C3orf20: variants seen among roughly 807,000 people sequenced by gnomAD.
C3orf20 encodes the protein family with sequence similarity 149 member C, also known as uncharacterized protein C3orf20.
Under a neutral mutation model 88.3 loss-of-function variants are expected in C3orf20, and 76 were observed. That is an observed-to-expected ratio of 0.86 (90% CI 0.72 to 1.04). C3orf20 has a LOEUF of 1.04. Ranked by LOEUF, C3orf20 falls within the 50% of genes least tolerant of loss-of-function variation. The pLI, the probability that C3orf20 is intolerant of heterozygous loss-of-function variation, is 0.00. For missense variants in C3orf20, 1,056 were observed against 1,123.3 expected (o/e 0.94, Z 0.86); for synonymous variants, 436 against 437.4 (o/e 1.00, Z 0.04).
rs1465622612 is a variant in C3orf20 at position 14,682,199 on chromosome 3, C to G, written c.-269C>G. ...ACACGTTGGATAATTCCATGCCCAT[C>G]TTGGCATTGCGACCAGGAGCTTCTG... On this transcript the variant is annotated 5_prime_UTR_variant, in exon 2 of 17. It adds an upstream start codon to the 5' untranslated region. Transcript: ENST00000253697. The G allele has an allele frequency of 6.4e-6, 1 of 157,050 alleles. No individual in the cohort carries two copies. Among genetic ancestry groups the G allele is most frequent in the African/African-American group, 2.4e-5 (1 of 41,482 alleles). 9.7% of individuals were successfully genotyped at this position (157,050 alleles called of 1,614,324 possible).
intron 12 of C3orf20, among the ~76,000 whole-genome samples, chr3:14,753,778 T>C (rs1225167384): frequency 6.6e-6 from 1 of 152,240 alleles, no homozygotes; most frequent in African/African-American, 2.4e-5. Context: ...AAACTACTTT[T>C]ATAAAGACTG....
chr3:14,703,150 G>T lies in C3orf20; in HGVS notation c.766G>T (p.Asp256Tyr). ...TACAGGCAAATCTAGAACTACAGAA[G>T]ATGTCAGCATGCCGCCCCTGCATCG... is the stretch of plus-strand genomic sequence containing the variant. ...KKIGKSRTTE[D>Y]VSMPPLHRGV... Residue 256 changes from aspartate (D) to tyrosine (Y), a missense_variant, in exon 6 of 17, where the codon GAT (aspartate) becomes TAT (tyrosine). By Grantham distance (160) the Asp-to-Tyr change is radical. Transcript: ENST00000253697. 3 of 1,614,198 alleles carry T rather than the reference G, an allele frequency of 1.9e-6. No homozygotes were observed. Among genetic ancestry groups the T allele is most frequent in the Non-Finnish European group, 2.5e-6 (3 of 1,180,036 alleles).
At position 14,690,058 on chromosome 3, in the gene C3orf20, T is replaced by C; in HGVS notation, c.687T>C (p.Ser229=). Residue 229 remains serine, a synonymous_variant, in exon 5 of 17, where the codon TCT becomes TCC. Transcript: ENST00000253697. The part of the protein sequence containing the change: ...VNSPYQLIYH[S]STACLSFSLS... ...CGCCTTACCAGCTGATCTACCACTCTTCCACAGCCTGTCTGAGCTTTTCTC... is the reference window on the plus strand; with the variant it reads ...CGCCTTACCAGCTGATCTACCACTCCTCCACAGCCTGTCTGAGCTTTTCTC... The C allele has an allele frequency of 6.2e-7, 1 of 1,614,214 alleles. No individual in the cohort carries two copies. Among genetic ancestry groups the C allele is most frequent in the Non-Finnish European group, 8.5e-7 (1 of 1,180,030 alleles).
chr3:14,772,752 C>T lies in C3orf20; in HGVS notation c.2631-39C>T, dbSNP rs1426205942. ...CCTGGGCTCTGGGCACTGTGAAGAACAGCCCTTCCGCCTCCCGGCCCTCTA... is the reference window on the plus strand; with the variant it reads ...CCTGGGCTCTGGGCACTGTGAAGAATAGCCCTTCCGCCTCCCGGCCCTCTA... On this transcript the variant is annotated intron_variant, in intron 16 of 16. Coordinates refer to ENST00000253697, the MANE Select transcript of C3orf20 (RefSeq NM_032137.5). This position sits in a 1 kb window ranked among gnomAD's most constrained non-coding sequence, Gnocchi z 4.2. The T allele has an allele frequency of 1.3e-6, 2 of 1,549,066 alleles. No homozygotes were observed. The highest frequency in any genetic ancestry group is 1.8e-4 in the Middle Eastern group (1 of 5,560).
intron 15 of C3orf20, among the ~76,000 whole-genome samples, chr3:14,763,700 T>C (rs1031936149): frequency 6.6e-6 from 1 of 152,210 alleles, no homozygotes. Flanking sequence ...CTGCGTGAAC[T>C]GTGTAAAACA....
Position 14,704,435 on chromosome 3 carries a change from G to T in C3orf20, c.977G>T (p.Arg326Leu), listed in dbSNP as rs1170308132. 3.1e-6 allele frequency: 5 copies of T among 1,613,938 alleles called. 1 individual carries two copies. The highest frequency in any genetic ancestry group is 4.2e-6 in the Non-Finnish European group (5 of 1,180,022). The stretch of plus-strand genomic sequence containing the variant: ...ATGCCCTCTCATCTAATGTTGGCCC[G>T]CAAAGGAGACTCTCAGACCCCGGGT... ...AKMPSHLMLARKGDSQTPGLH... is the reference protein window; with the variant it reads ...AKMPSHLMLALKGDSQTPGLH... The change falls in exon 7 of 17, where the codon CGC (arginine) becomes CTC (leucine). Residue 326 changes from arginine (R) to leucine (L), a missense_variant. By Grantham distance (102) the Arg-to-Leu change is moderately radical. Coordinates refer to ENST00000253697, the MANE Select transcript of C3orf20 (RefSeq NM_032137.5).
chr3:14,766,911 CGTGGCCAGGCGGCTTTGAGGA>C, intron 15 of C3orf20: 1 of 78,772 alleles, frequency 1.3e-5, no homozygotes, highest in South Asian at 6.4e-4. Flanking sequence ...CTTTGAGGAG[CGTGGCCAGGCGGCTTTGAGGA>C]GCGTGGCCAG....
At chr3:14,749,697 A>ATT (rs34518822) in intron 12 of C3orf20, among the ~76,000 whole-genome samples, 1,741 of 146,758 alleles carry the variant, frequency 0.012, 37 homozygotes, top group African/African-American at 0.039. Context: ...CGTTTAATTG[A>ATT]TTTTTTTTTT....
intron 7 of C3orf20, among the ~76,000 whole-genome samples, chr3:14,711,177 C>T (rs539055909): frequency 2.0e-5 from 3 of 152,276 alleles, no homozygotes; most frequent in East Asian, 1.9e-4. Context: ...GGATTGCAGG[C>T]GTGAGCTACT....
At position 14,757,005 on chromosome 3, in the gene C3orf20, G is replaced by A. The variant is rs116075337; in HGVS notation, c.1941-366G>A. Among the ~76,000 whole-genome samples the A allele has an allele frequency of 9.7e-3, 1,473 of 152,298 alleles. 28 individuals are homozygous for A. The highest frequency in any genetic ancestry group is 0.033 in the African/African-American group (1,386 of 41,558). ...AATGAAGGAGACTTGGACCACATCC[G>A]TGGGGGTGGAGGGGAGGAAAAGTGG... On this transcript the variant is annotated intron_variant, in intron 12 of 16. Coordinates refer to ENST00000253697, the MANE Select transcript of C3orf20 (RefSeq NM_032137.5).
rs779172776 is a variant in C3orf20 at position 14,676,231 on chromosome 3, A to C, written c.-299+979A>C. Reference sequence around the variant, plus strand: ...TGTTCACGGTTTTTGAAAATCAAAAAATACAAGAGTGGACCTTGCTCCCAG... The same window carrying C: ...TGTTCACGGTTTTTGAAAATCAAAACATACAAGAGTGGACCTTGCTCCCAG... On this transcript the variant is annotated intron_variant, in intron 1 of 16. Transcript: ENST00000253697. Among the ~76,000 whole-genome samples the C allele has an allele frequency of 2.6e-5, 4 of 151,996 alleles. 1 individual carries two copies. Among genetic ancestry groups the C allele is most frequent in the Non-Finnish European group, 2.9e-5 (2 of 67,988 alleles).
intron 5 of C3orf20, among the ~76,000 whole-genome samples, chr3:14,700,868 T>G (rs1427507497): frequency 6.6e-6 from 1 of 152,264 alleles, no homozygotes; most frequent in African/African-American, 2.4e-5. Context: ...ATCCATTCCA[T>G]GTCCACATGC....
rs547586593 is a variant in C3orf20, at chr3:14,701,213, C to G, written c.746-1917C>G. On this transcript the variant is annotated intron_variant, in intron 5 of 16. Coordinates refer to ENST00000253697, the MANE Select transcript of C3orf20 (RefSeq NM_032137.5). This position sits in a 1 kb window ranked among gnomAD's most constrained non-coding sequence, Gnocchi z 4.6. ...AGAAGTGGGGGAAGTGACCAGGAAC[C>G]ACTCAGGGTGGCAGATACCAGAGAT... Among the ~76,000 whole-genome samples, 4 of 152,236 alleles carry G rather than the reference C, an allele frequency of 2.6e-5. No individual in the cohort carries two copies. Among genetic ancestry groups the G allele is most frequent in the East Asian group, 1.9e-4 (1 of 5,174 alleles).
chr3:14,703,054 T>G (rs1424346198), intron 5 of C3orf20, 76 bp from the exon 6 acceptor site: 2 of 1,547,164 alleles, frequency 1.3e-6, no homozygotes, highest in African/African-American at 2.7e-5. Context: ...AGGTCTCACA[T>G]CCAGGTGACA....
chr3:14,686,155 C>T (rs4685208), intron 4 of C3orf20, among the ~76,000 whole-genome samples: 101,006 of 151,790 alleles, frequency 0.67, 33,733 homozygotes, highest in Middle Eastern at 0.72. Flanking sequence ...CCACCACGCC[C>T]AGCCCAGGAT....
At chr3:14,716,348 T>G (rs768981678) in intron 9 of C3orf20, among the ~76,000 whole-genome samples, 2 of 152,120 alleles carry the variant, frequency 1.3e-5, no homozygotes, top group Non-Finnish European at 2.9e-5. Flanking sequence ...CAGAGAAAGA[T>G]CACAGAACAT....
chr3:14,735,821 C>A (rs1442663772), intron 12 of C3orf20, among the ~76,000 whole-genome samples: 1 of 152,130 alleles, frequency 6.6e-6, no homozygotes, highest in East Asian at 1.9e-4. Context: ...TCTTGAACTC[C>A]TGACCTCAAG....
chr3:14,685,962 C>T (rs1016638722), intron 4 of C3orf20, among the ~76,000 whole-genome samples: 2 of 151,194 alleles, frequency 1.3e-5, no homozygotes, highest in African/African-American at 4.9e-5. Context: ...CACAGGTTCA[C>T]GCCATTCTCC....
chr3:14,743,649 C>T (rs1265806224), intron 12 of C3orf20, among the ~76,000 whole-genome samples: 2 of 152,202 alleles, frequency 1.3e-5, no homozygotes, highest in Middle Eastern at 6.8e-3. Flanking sequence ...CTCACCCCTG[C>T]AGCAAACTTT....
Sources: gnomAD v4.1 joint callset for allele counts (sites outside exome capture counted in the v4.1 genomes callset) on GRCh38, gnomAD v4.1.1 for gene constraint, Gnocchi (gnomAD v3.1) non-coding constraint, MANE v1.5 for transcripts, NCBI Gene and HGNC (gene_info 2026-07-23, HGNC 2026-07-21) for gene names.